KIF16B: variants seen among roughly 807,000 people sequenced by gnomAD.
KIF16B encodes the protein kinesin family member 16B, also known as kinesin-like protein KIF16B.
A neutral mutation model predicts 156.3 loss-of-function variants in KIF16B; 98 were observed. That is an observed-to-expected ratio of 0.63 (90% CI 0.53 to 0.74). The LOEUF is 0.74. Among genes scored for constraint, KIF16B ranks in the 30% least tolerant of loss-of-function variants. The probability of loss-of-function intolerance (pLI) is 0.00; values close to 1 mark genes in which losing one functional copy is unlikely to be tolerated. For missense variants in KIF16B, 1,421 were observed against 1,606.5 expected (o/e 0.88, Z 1.97); for synonymous variants, 564 against 583.7 (o/e 0.97, Z 0.49).
At chr20:16,295,540 A>G (rs892722416) in intron 25 of KIF16B, among the ~76,000 whole-genome samples, 1 of 150,130 alleles carries the variant, frequency 6.7e-6, no homozygotes, top group Non-Finnish European at 1.5e-5. Context: ...ATATATTTAT[A>G]TAATTATATC....
Position 16,442,577 on chromosome 20 carries a change from T to G in KIF16B, c.1303-12595A>C, listed in dbSNP as rs537783657. ...GATAAATATATCTGGATTCCTAGCTTTTTTAATTACACAGAAAATAAAATA... is the reference window on the plus strand; with the variant it reads ...GATAAATATATCTGGATTCCTAGCTGTTTTAATTACACAGAAAATAAAATA... On this transcript the variant is annotated intron_variant, in intron 12 of 25. Transcript: ENST00000354981. Among the ~76,000 whole-genome samples the G allele has an allele frequency of 3.3e-5, 5 of 152,210 alleles. No individual in the cohort carries two copies. In the South Asian group the frequency reaches 1.0e-3, roughly 31 times the overall value.
intron 22 of KIF16B, among the ~76,000 whole-genome samples, chr20:16,361,883 T>G (rs75365611): frequency 0.087 from 13,307 of 152,252 alleles, 736 homozygotes; most frequent in Non-Finnish European, 0.13. Context: ...TATTGAATAT[T>G]GGATGAATGT....
intron 15 of KIF16B, among the ~76,000 whole-genome samples, chr20:16,409,973 A>C (rs1469177469): frequency 3.1e-4 from 8 of 25,840 alleles, no homozygotes; most frequent in Non-Finnish European, 7.4e-4. Flanking sequence ...ATATATACAT[A>C]TATATATATA....
chr20:16,463,065 T>C lies in KIF16B; in HGVS notation c.1302+31226A>G, dbSNP rs572450414. Among the ~76,000 whole-genome samples the C allele has an allele frequency of 3.3e-5, 5 of 152,308 alleles. No homozygotes were observed. In the East Asian group the frequency reaches 9.7e-4, roughly 29 times the overall value. The stretch of plus-strand genomic sequence containing the variant: ...CAAATGGCACACCTGGTCCAACCAA[T>C]CTTGTGCTCCCTATGTAAATCAGAC... On this transcript the variant is annotated intron_variant, in intron 12 of 25. Coordinates refer to ENST00000354981, the MANE Select transcript of KIF16B (RefSeq NM_024704.5).
intron 15 of KIF16B, among the ~76,000 whole-genome samples, chr20:16,426,794 CCATTGTGTTAAGGTTTTG>C (rs1214093521): frequency 9.9e-5 from 15 of 151,998 alleles, no homozygotes; most frequent in African/African-American, 3.6e-4. Context: ...TTAAAAGAAA[CCATTGTGTTAAGGTTTTG>C]CATTTGAGGG....
intron 12 of KIF16B, among the ~76,000 whole-genome samples, chr20:16,446,911 T>A (rs967317801): frequency 2.6e-5 from 4 of 152,172 alleles, no homozygotes; most frequent in African/African-American, 9.7e-5. Flanking sequence ...CAATAATCTA[T>A]CCTGCACTAG....
At chr20:16,367,841 A>G (rs751249893) in intron 22 of KIF16B, 1 of 1,603,876 alleles carries the variant, frequency 6.2e-7, no homozygotes, top group Admixed American at 1.7e-5. Context: ...TGAGAGAGGT[A>G]TTTGTTGTAA....
chr20:16,433,635 A>T (rs750730237), intron 12 of KIF16B, among the ~76,000 whole-genome samples: 4 of 151,960 alleles, frequency 2.6e-5, no homozygotes, highest in Non-Finnish European at 5.9e-5. Flanking sequence ...ACACTCACAT[A>T]CACTTCCATA....
intron 12 of KIF16B, among the ~76,000 whole-genome samples, chr20:16,452,100 A>G (rs1271284145): frequency 2.6e-5 from 4 of 152,130 alleles, no homozygotes; most frequent in Non-Finnish European, 5.9e-5. Context: ...ACCAGCAAAT[A>G]TTCACCAACA....
At chr20:16,496,284 T>C (rs1380630829) in intron 11 of KIF16B, among the ~76,000 whole-genome samples, 2 of 152,240 alleles carry the variant, frequency 1.3e-5, no homozygotes, top group Non-Finnish European at 2.9e-5. Flanking sequence ...CATCCAACAA[T>C]AAATGATTCT....
At chr20:16,553,501 G>T (rs1030387866) in intron 1 of KIF16B, among the ~76,000 whole-genome samples, 1 of 152,218 alleles carries the variant, frequency 6.6e-6, no homozygotes, top group African/African-American at 2.4e-5. Context: ...TGGAGAGACA[G>T]ACATTGAGCC....
In KIF16B at chr20:16,372,330, C is replaced by A. The variant is rs148726641; in HGVS notation, c.3351-569G>T. ...TCTGTCTCGTCTCTCCAAATGGGTT[C>A]TCTGTACCTGGCCAGCAAGACCACA... On this transcript the variant is annotated intron_variant, in intron 20 of 25. Transcript: ENST00000354981. 2.0e-5 allele frequency among the ~76,000 whole-genome samples: 3 copies of A among 152,356 alleles called. No individual in the cohort carries two copies. The East Asian group carries it at 5.8e-4, about 29-fold the overall frequency.
intron 1 of KIF16B, among the ~76,000 whole-genome samples, chr20:16,550,441 G>A (rs976868987): frequency 6.6e-6 from 1 of 151,616 alleles, no homozygotes; most frequent in African/African-American, 2.4e-5. Flanking sequence ...TCAGTGTGGC[G>A]ATTCCTCAGG....
chr20:16,449,648 T>C (rs1229871929), intron 12 of KIF16B, among the ~76,000 whole-genome samples: 2 of 152,204 alleles, frequency 1.3e-5, no homozygotes, highest in Non-Finnish European at 2.9e-5. Flanking sequence ...AAGGCTGATC[T>C]CAATAGTTGT....
chr20:16,554,653 G>A (rs2070782642), intron 1 of KIF16B, among the ~76,000 whole-genome samples: 2 of 152,182 alleles, frequency 1.3e-5, no homozygotes, highest in South Asian at 2.1e-4. Flanking sequence ...TGCTCACCAC[G>A]TTGCAGGCAA....
chr20:16,515,563 A>G lies in KIF16B; in HGVS notation c.333T>C (p.Thr111=), dbSNP rs1211743395. ...AACAACGTACAGAATTTCCCATCAT[A>G]GTGTATGACTTTCCAGATCCAGTTT... The part of the protein sequence containing the change: ...YGQTGSGKSY[T]MMGNSGDSGL... The change falls in exon 4 of 26, where the codon ACT becomes ACC. Residue 111 remains threonine (T), a synonymous_variant. Transcript: ENST00000354981. 9 of 1,582,368 alleles carry G rather than the reference A, an allele frequency of 5.7e-6. No homozygotes were observed. The highest frequency in any genetic ancestry group is 7.8e-6 in the Non-Finnish European group (9 of 1,151,374).
intron 1 of KIF16B, among the ~76,000 whole-genome samples, chr20:16,571,448 G>C (rs910723718): frequency 6.6e-6 from 1 of 151,982 alleles, no homozygotes; most frequent in East Asian, 1.9e-4. Flanking sequence ...CATGTACCTG[G>C]GCTCCAGGCC....
chr20:16,469,561 T>TAAA (rs368181137), intron 12 of KIF16B, among the ~76,000 whole-genome samples: 4 of 110,296 alleles, frequency 3.6e-5, no homozygotes, highest in African/African-American at 1.4e-4. Flanking sequence ...CCACCTTAAC[T>TAAA]AAAAAAAAAA....
chr20:16,394,812 C>A (rs1475998539), intron 17 of KIF16B, among the ~76,000 whole-genome samples: 2 of 152,138 alleles, frequency 1.3e-5, no homozygotes, highest in Admixed American at 6.5e-5. Context: ...ATGTGGTCTT[C>A]TTCCCTCCCA....
Sources: allele counts gnomAD v4.1 joint callset (sites outside exome capture counted in the v4.1 genomes callset), GRCh38; gene constraint gnomAD v4.1.1; transcripts MANE v1.5; gene names NCBI Gene and HGNC (gene_info 2026-07-23, HGNC 2026-07-21).